GPC6: variants seen among roughly 807,000 people sequenced by gnomAD.
GPC6 encodes the protein glypican 6.
Under a neutral mutation model 55.2 loss-of-function variants are expected in GPC6, and 14 were observed. The ratio of observed to expected loss-of-function variants is 0.25; its 90% CI spans 0.17 to 0.40. The LOEUF is 0.40. Among genes scored for constraint, GPC6 ranks in the 10% least tolerant of loss-of-function variants. The probability of loss-of-function intolerance (pLI) is 1.00; values close to 1 mark genes in which losing one functional copy is unlikely to be tolerated. For synonymous variants in GPC6, 278 were observed against 259.6 expected (o/e 1.07, Z -0.68); for missense variants, 641 against 708.5 (o/e 0.90, Z 1.08).
intron 1 of GPC6, among the ~76,000 whole-genome samples, chr13:93,516,728 T>A (rs1346249505): frequency 6.6e-6 from 1 of 151,126 alleles, no homozygotes; most frequent in East Asian, 1.9e-4. Flanking sequence ...TATATTATGC[T>A]CTGTGAGCAA....
At chr13:93,985,899 G>A (rs954514312) in intron 3 of GPC6, among the ~76,000 whole-genome samples, 1 of 152,102 alleles carries the variant, frequency 6.6e-6, no homozygotes, top group African/African-American at 2.4e-5. Flanking sequence ...AATGGGGTTA[G>A]AAAGTGAGGA....
At chr13:93,568,316 T>G (rs939433148) in intron 2 of GPC6, among the ~76,000 whole-genome samples, 5 of 152,230 alleles carry the variant, frequency 3.3e-5, no homozygotes, top group Admixed American at 3.3e-4. Flanking sequence ...TATATCTCTC[T>G]TTTTAATTGT....
intron 2 of GPC6, among the ~76,000 whole-genome samples, chr13:93,687,517 C>A (rs192299189): frequency 6.6e-6 from 1 of 152,132 alleles, no homozygotes; most frequent in Admixed American, 6.6e-5. Context: ...TAGTGGTTAC[C>A]AACAGTCTCT....
At chr13:93,976,478 T>A (rs1331055680) in intron 3 of GPC6, among the ~76,000 whole-genome samples, 1 of 151,782 alleles carries the variant, frequency 6.6e-6, no homozygotes, top group African/African-American at 2.4e-5. Context: ...GACTAAAGAA[T>A]TAATACGAGG....
At chr13:93,327,150 G>GATGA (rs1207362971) in intron 1 of GPC6, among the ~76,000 whole-genome samples, 2 of 152,178 alleles carry the variant, frequency 1.3e-5, no homozygotes, top group Non-Finnish European at 2.9e-5. Context: ...ATGTGATCAA[G>GATGA]ATTTATGTAG....
chr13:94,342,661 G>A (rs533078938), intron 6 of GPC6, among the ~76,000 whole-genome samples: 2 of 152,270 alleles, frequency 1.3e-5, no homozygotes, highest in Middle Eastern at 3.4e-3. Context: ...CTACACGTGC[G>A]CAAAGCTAAG....
intron 4 of GPC6, among the ~76,000 whole-genome samples, chr13:94,072,627 G>A (rs1162151545): frequency 3.3e-5 from 5 of 152,152 alleles, no homozygotes; most frequent in Admixed American, 1.3e-4. Context: ...GCTGGGATTA[G>A]AGGCGTGAGC....
chr13:93,749,738 A>G (rs1359657692), intron 2 of GPC6, among the ~76,000 whole-genome samples: 1 of 152,126 alleles, frequency 6.6e-6, no homozygotes, highest in Non-Finnish European at 1.5e-5. Flanking sequence ...TTAAACTGAT[A>G]TTACCCCCAA....
At chr13:93,608,974 A>G (rs969169876) in intron 2 of GPC6, among the ~76,000 whole-genome samples, 5 of 152,136 alleles carry the variant, frequency 3.3e-5, no homozygotes, top group African/African-American at 1.2e-4. Flanking sequence ...GCTATGGTCT[A>G]TGTTTGAGTA....
chr13:93,855,308 A>T (rs1361348859), intron 3 of GPC6, among the ~76,000 whole-genome samples: 1 of 151,428 alleles, frequency 6.6e-6, no homozygotes. Context: ...GGCTTCTTTG[A>T]CTTAGTCATA....
intron 4 of GPC6, among the ~76,000 whole-genome samples, chr13:94,200,561 A>T (rs1311333086): frequency 6.6e-6 from 1 of 152,186 alleles, no homozygotes. Context: ...AACTAGCTGA[A>T]GTCTATTTTA....
intron 2 of GPC6, among the ~76,000 whole-genome samples, chr13:93,810,615 C>CA (rs577377258): frequency 2.2e-3 from 327 of 151,710 alleles, no homozygotes; most frequent in African/African-American, 7.4e-3. Flanking sequence ...AAATGAATGA[C>CA]AAAAAAAGGG....
At chr13:93,316,527 G>A (rs1316863011) in intron 1 of GPC6, among the ~76,000 whole-genome samples, 1 of 151,868 alleles carries the variant, frequency 6.6e-6, no homozygotes, top group East Asian at 1.9e-4. Flanking sequence ...TATGCTCTAG[G>A]GCATAAAGGG....
chr13:94,307,842 T>C (rs986019264), intron 6 of GPC6, among the ~76,000 whole-genome samples: 17 of 152,204 alleles, frequency 1.1e-4, no homozygotes, highest in Non-Finnish European at 2.4e-4. Flanking sequence ...TTTTTTCCCA[T>C]TTTTGCTGGC....
intron 6 of GPC6, among the ~76,000 whole-genome samples, chr13:94,373,592 C>T (rs370731184): frequency 0.045 from 6,810 of 151,708 alleles, 224 homozygotes; most frequent in East Asian, 0.069. Flanking sequence ...GTCTGATTGG[C>T]GTACCTGAAA....
At chr13:93,609,145 C>G (rs1053450762) in intron 2 of GPC6, among the ~76,000 whole-genome samples, 1 of 152,178 alleles carries the variant, frequency 6.6e-6, no homozygotes, top group Non-Finnish European at 1.5e-5. Flanking sequence ...TTCTTATTAT[C>G]TCTCAGATCC....
upstream of GPC6, among the ~76,000 whole-genome samples, chr13:93,224,794 C>T (rs552788313): frequency 1.3e-5 from 2 of 152,306 alleles, no homozygotes; most frequent in Admixed American, 1.3e-4. Context: ...ATGGACCAGG[C>T]AGGGTTAAGG....
chr13:93,884,293 T>C (rs996890628), intron 3 of GPC6, among the ~76,000 whole-genome samples: 1 of 152,152 alleles, frequency 6.6e-6, no homozygotes, highest in Non-Finnish European at 1.5e-5. Context: ...TTAGCTTATC[T>C]CTTCATATGC....
At chr13:93,787,929 T>C (rs1350248299) in intron 2 of GPC6, among the ~76,000 whole-genome samples, 1 of 152,208 alleles carries the variant, frequency 6.6e-6, no homozygotes, top group East Asian at 1.9e-4. Context: ...TTTTGAGACA[T>C]TCATTGCAGA....
Sources: allele counts gnomAD v4.1 joint callset (sites outside exome capture counted in the v4.1 genomes callset), GRCh38; gene constraint gnomAD v4.1.1; transcripts MANE v1.5; gene names NCBI Gene and HGNC (gene_info 2026-07-23, HGNC 2026-07-21).